CDH18: variants seen among roughly 807,000 people sequenced by gnomAD.
CDH18 encodes the protein cadherin 18.
A neutral mutation model predicts 67.9 loss-of-function variants in CDH18; 31 were observed. The observed-to-expected ratio is 0.46, with a 90% CI of 0.34 to 0.62. CDH18 has a LOEUF of 0.62. Ranked by LOEUF, CDH18 falls within the 20% of genes least tolerant of loss-of-function variation. CDH18 has a pLI of 0.01. For synonymous variants in CDH18, 362 were observed against 347.2 expected (o/e 1.04, Z -0.48); for missense variants, 890 against 975.5 (o/e 0.91, Z 1.17).
intron 1 of CDH18, among the ~76,000 whole-genome samples, chr5:20,314,143 T>C (rs1428722946): frequency 6.6e-6 from 1 of 152,034 alleles, no homozygotes; most frequent in East Asian, 1.9e-4. Context: ...TATAGAACCT[T>C]TATTAATTAT....
At chr5:20,466,389 A>G (rs1212376806) in intron 1 of CDH18, among the ~76,000 whole-genome samples, 2 of 152,094 alleles carry the variant, frequency 1.3e-5, no homozygotes, top group African/African-American at 4.8e-5. Flanking sequence ...TTATCGGAAA[A>G]TCAATAAAAT....
intron 2 of CDH18, among the ~76,000 whole-genome samples, chr5:19,911,704 C>G (rs1791164355): frequency 6.6e-6 from 1 of 151,536 alleles, no homozygotes; most frequent in South Asian, 2.1e-4. Context: ...TTTCTTCTTG[C>G]TGTGAGATTC....
intron 1 of CDH18, among the ~76,000 whole-genome samples, chr5:20,463,658 A>C (rs921335289): frequency 1.3e-5 from 2 of 152,194 alleles, no homozygotes; most frequent in Non-Finnish European, 2.9e-5. Flanking sequence ...TCTTTCCCAC[A>C]ACACATGAGG....
At chr5:20,018,250 C>T (rs1265232703) in intron 2 of CDH18, among the ~76,000 whole-genome samples, 1 of 152,148 alleles carries the variant, frequency 6.6e-6, no homozygotes, top group African/African-American at 2.4e-5. Context: ...AACATATTTA[C>T]ACCCTTTTTC....
intron 10 of CDH18, 116 bp from the exon 11 acceptor site, chr5:19,503,225 G>C: frequency 1.7e-6 from 1 of 594,252 alleles, no homozygotes; most frequent in Non-Finnish European, 2.9e-6. Flanking sequence ...CTTCCAACTT[G>C]AGTTATTTTT....
intron 2 of CDH18, among the ~76,000 whole-genome samples, chr5:20,001,282 CTG>C (rs1426637785): frequency 6.6e-6 from 1 of 152,028 alleles, no homozygotes; most frequent in Non-Finnish European, 1.5e-5. Flanking sequence ...AAATTAAAGA[CTG>C]TATTGAAAGC....
intron 1 of CDH18, among the ~76,000 whole-genome samples, chr5:20,517,150 T>C (rs10440662): frequency 0.49 from 74,085 of 151,462 alleles, 18,251 homozygotes; most frequent in East Asian, 0.58. Context: ...ACAAAATCAG[T>C]CAAATTATCA....
intron 3 of CDH18, among the ~76,000 whole-genome samples, chr5:19,752,966 C>T (rs192099179): frequency 6.6e-6 from 1 of 152,206 alleles, no homozygotes; most frequent in Admixed American, 6.5e-5. Flanking sequence ...GAAGCCACAT[C>T]CATAGGAAAA....
chr5:20,225,350 G>C (rs1175006998), intron 2 of CDH18, among the ~76,000 whole-genome samples: 2 of 152,082 alleles, frequency 1.3e-5, no homozygotes, highest in Non-Finnish European at 2.9e-5. Flanking sequence ...AGATAAAGTA[G>C]ACTTTTGATG....
intron 1 of CDH18, among the ~76,000 whole-genome samples, chr5:20,496,986 A>G (rs13157246): frequency 0.51 from 77,318 of 151,380 alleles, 19,806 homozygotes; most frequent in East Asian, 0.55. Flanking sequence ...AAAATTGTTC[A>G]GTGTGGCCCC....
At chr5:20,472,533 C>T (rs2150242136) in intron 1 of CDH18, among the ~76,000 whole-genome samples, 1 of 152,196 alleles carries the variant, frequency 6.6e-6, no homozygotes, top group Admixed American at 6.5e-5. Flanking sequence ...TTGTTGTGAA[C>T]CTAAATCTGC....
intron 1 of CDH18, among the ~76,000 whole-genome samples, chr5:20,442,350 G>A (rs771229705): frequency 2.6e-5 from 4 of 151,834 alleles, no homozygotes; most frequent in East Asian, 1.9e-4. Flanking sequence ...GATAAAAACC[G>A]TAAATAAACT....
chr5:20,436,526 C>T (rs2150183556), intron 1 of CDH18, among the ~76,000 whole-genome samples: 1 of 151,594 alleles, frequency 6.6e-6, no homozygotes, highest in East Asian at 1.9e-4. Context: ...GTGGTAGCTC[C>T]TTTATCTTAT....
chr5:20,206,715 T>C (rs933430723), intron 2 of CDH18, among the ~76,000 whole-genome samples: 2 of 151,930 alleles, frequency 1.3e-5, no homozygotes, highest in African/African-American at 4.8e-5. Flanking sequence ...TCTATAAACA[T>C]GATACATCAC....
At chr5:19,489,913 A>G (rs1349286522) in intron 11 of CDH18, among the ~76,000 whole-genome samples, 1 of 151,204 alleles carries the variant, frequency 6.6e-6, no homozygotes, top group Non-Finnish European at 1.5e-5. Flanking sequence ...AGTCCAAGCC[A>G]AAATGTAAAA....
intron 2 of CDH18, among the ~76,000 whole-genome samples, chr5:20,096,504 T>TATATATATATA (rs1287038562): frequency 6.6e-6 from 1 of 152,110 alleles, no homozygotes; most frequent in Non-Finnish European, 1.5e-5. Context: ...TAAATGAATT[T>TATATATATATA]TAATTGTGCA....
chr5:20,272,712 T>C (rs1745527363), intron 1 of CDH18, among the ~76,000 whole-genome samples: 1 of 152,116 alleles, frequency 6.6e-6, no homozygotes, highest in East Asian at 1.9e-4. Context: ...CCAAAGTCCA[T>C]TCATTTTTTT....
At chr5:19,988,209 C>A (rs1256156634), upstream of CDH18, 3 of 152,150 alleles carry the variant, frequency 2.0e-5, no homozygotes, top group Non-Finnish European at 2.9e-5. Context: ...TCAGGCTCCG[C>A]GCACCTCGAG....
chr5:19,491,854 C>G (rs1741523344), intron 11 of CDH18, among the ~76,000 whole-genome samples: 1 of 151,570 alleles, frequency 6.6e-6, no homozygotes, highest in African/African-American at 2.4e-5. Flanking sequence ...AGAATGCCAC[C>G]AACAAAGTAA....
Sources: gnomAD v4.1 joint callset for allele counts (sites outside exome capture counted in the v4.1 genomes callset) on GRCh38, gnomAD v4.1.1 for gene constraint, MANE v1.5 for transcripts, NCBI Gene and HGNC (gene_info 2026-07-23, HGNC 2026-07-21) for gene names.